ZKSCAN8: variants seen among roughly 807,000 people sequenced by gnomAD.
The protein encoded by ZKSCAN8 is zinc finger with KRAB and SCAN domains 8, also known as zinc finger protein with KRAB and SCAN domains 8.
A neutral mutation model predicts 57.2 loss-of-function variants in ZKSCAN8; 27 were observed. The observed-to-expected ratio is 0.47, with a 90% CI of 0.35 to 0.65. The LOEUF (loss-of-function observed/expected upper bound fraction) is 0.65. ZKSCAN8 is among the 30% of genes least tolerant of loss of function. The probability of loss-of-function intolerance (pLI) is 0.01; values close to 1 mark genes in which losing one functional copy is unlikely to be tolerated. For missense variants in ZKSCAN8, 597 were observed against 696.3 expected (o/e 0.86, Z 1.60); for synonymous variants, 214 against 248.7 (o/e 0.86, Z 1.31).
At chr6:28,143,466 C>T (rs1396401459) in intron 1 of ZKSCAN8, among the ~76,000 whole-genome samples, 22 of 152,130 alleles carry the variant, frequency 1.4e-4, no homozygotes, top group Admixed American at 1.1e-3. Context: ...TTGAATGCTG[C>T]GCACTTCACA....
In ZKSCAN8 at chr6:28,144,537, T is replaced by C. The variant is rs1243726176; in HGVS notation, c.-93+2508T>C. 2.0e-5 allele frequency: 3 copies of C among 152,238 alleles called. No individual in the cohort carries two copies. The highest frequency in any genetic ancestry group is 4.4e-5 in the Non-Finnish European group (3 of 68,042). The allele number at this position is 152,238 out of a possible 1,614,324, so 9.4% of individuals were successfully genotyped here. On this transcript the variant is annotated intron_variant, in intron 1 of 5. Coordinates refer to ENST00000330236, the MANE Select transcript of ZKSCAN8 (RefSeq NM_006298.4). This position sits in a 1 kb window ranked among gnomAD's most constrained non-coding sequence, Gnocchi z 4.5. Reference sequence around the variant, plus strand: ...TCATGACAACTGGTTTAGGGTATGCTACCTTTACTTACACTCTTCTTCATT... The same window carrying C: ...TCATGACAACTGGTTTAGGGTATGCCACCTTTACTTACACTCTTCTTCATT...
At position 28,141,958 on chromosome 6, in the gene ZKSCAN8, C is replaced by G. The variant is rs1765229482; in HGVS notation, c.-164C>G. ...GTACAGCTTTCATCGCCTTTACTCC[C>G]CGACCTTCCTTCGAGTCTGTTTATC... On this transcript the variant is annotated 5_prime_UTR_variant, in exon 1 of 6. Transcript: ENST00000330236. 1 of 152,456 alleles carries G rather than the reference C, an allele frequency of 6.6e-6. No individual in the cohort carries two copies. The highest frequency in any genetic ancestry group is 2.4e-5 in the African/African-American group (1 of 41,458). 9.4% of individuals were successfully genotyped at this position (152,456 alleles called of 1,614,324 possible). A position where few individuals can be genotyped will look rare whatever the true frequency, so the allele number is the denominator to read the frequency against.
At position 28,158,726 on chromosome 6, in the gene ZKSCAN8, C is replaced by T. The variant is rs549173875; in HGVS notation, c.*4709C>T. On this transcript the variant is annotated 3_prime_UTR_variant, in exon 6 of 6. Transcript: ENST00000330236. The stretch of plus-strand genomic sequence containing the variant: ...TTCTTTTTTTTCCAATTTCCTTGCT[C>T]CCAGGATCCCCATCTTGTATAAAGT... 5.9e-5 allele frequency: 9 copies of T among 152,162 alleles called. No homozygotes were observed. The highest frequency in any genetic ancestry group is 2.2e-4 in the African/African-American group (9 of 41,506). The allele number at this position is 152,162 out of a possible 1,614,324, so 9.4% of individuals were successfully genotyped here.
In ZKSCAN8 at chr6:28,156,336, C is replaced by T. The variant is rs13205911; in HGVS notation, c.*2319C>T. 0.058 allele frequency: 22,892 copies of T among 396,886 alleles called. 1,018 individuals carry two copies. The highest frequency in any genetic ancestry group is 0.084 in the Non-Finnish European group (18,952 of 225,078). 24.6% of individuals were successfully genotyped at this position (396,886 alleles called of 1,614,324 possible). On this transcript the variant is annotated 3_prime_UTR_variant, in exon 6 of 6. Transcript: ENST00000330236. ...ATTGAAATGTATACAGATGTACTAGCTAAAGTCTCTTTATGTGTCAGTATT... is the reference window on the plus strand; with the variant it reads ...ATTGAAATGTATACAGATGTACTAGTTAAAGTCTCTTTATGTGTCAGTATT...
At position 28,157,849 on chromosome 6, in the gene ZKSCAN8, T is replaced by C. The variant is rs1225603; in HGVS notation, c.*3832T>C. Reference sequence around the variant, plus strand: ...ATTGTGGAGGGAAATGAAATATCCATGTACCAGGCCAGGCAGATGGTCAGT... The same window carrying C: ...ATTGTGGAGGGAAATGAAATATCCACGTACCAGGCCAGGCAGATGGTCAGT... On this transcript the variant is annotated 3_prime_UTR_variant, in exon 6 of 6. Transcript: ENST00000330236. 6.6e-6 allele frequency: 1 copy of C among 152,186 alleles called. No individual in the cohort carries two copies. The highest frequency in any genetic ancestry group is 1.5e-5 in the Non-Finnish European group (1 of 68,032). 9.4% of individuals were successfully genotyped at this position (152,186 alleles called of 1,614,324 possible).
Position 28,153,267 on chromosome 6 carries a change from AAGCTT to A in ZKSCAN8, c.988_992del (p.Ser330CysfsTer22). On this transcript the variant is annotated frameshift_variant, in exon 6 of 6. Coordinates refer to ENST00000330236, the MANE Select transcript of ZKSCAN8 (RefSeq NM_006298.4). LOFTEE classifies it high-confidence loss of function. ...GACATAAATGTGATGAATGTGGGAA[AAGCTT>A]TGCTCAGAGCTCAGGCCTTGTTCGC... is the stretch of plus-strand genomic sequence containing the variant. The A allele has an allele frequency of 6.2e-7, 1 of 1,614,188 alleles. No individual in the cohort carries two copies. Among genetic ancestry groups the A allele is most frequent in the Non-Finnish European group, 8.5e-7 (1 of 1,180,016 alleles).
chr6:28,155,708 G>A lies in ZKSCAN8; in HGVS notation c.*1691G>A, dbSNP rs1053482492. ...ATAATAATCATTTTATGATTGATGG[G>A]CCAAAAAAAGCAATCAAAGTCTTAC... On this transcript the variant is annotated 3_prime_UTR_variant, in exon 6 of 6. Coordinates refer to ENST00000330236, the MANE Select transcript of ZKSCAN8 (RefSeq NM_006298.4). 6.4e-6 allele frequency: 1 copy of A among 155,274 alleles called. No homozygotes were observed. Among genetic ancestry groups the A allele is most frequent in the African/African-American group, 2.4e-5 (1 of 41,520 alleles). The allele number at this position is 155,274 out of a possible 1,614,324, so 9.6% of individuals were successfully genotyped here. A position where few individuals can be genotyped will look rare whatever the true frequency, so the allele number is the denominator to read the frequency against.
chr6:28,148,820 G>C lies in ZKSCAN8; in HGVS notation c.413G>C (p.Arg138Pro), dbSNP rs897169520. The C allele has an allele frequency of 6.2e-7, 1 of 1,611,428 alleles. No homozygotes were observed. Among genetic ancestry groups the C allele is most frequent in the African/African-American group, 1.3e-5 (1 of 74,982 alleles). Residue 138 changes from arginine to proline, a missense_variant, in exon 2 of 6, where the codon CGA (arginine) becomes CCA (proline). By Grantham distance (103) the Arg-to-Pro change is moderately radical. Transcript: ENST00000330236. ...GAAAGGCAGATTGATATACTAGGAC[G>C]ACCAGTAAGTAGAAGGAGGTATGCG... ...DLERQIDILG[R>P]PVSARVHGHR...
chr6:28,148,272 T>A (rs1410827041), intron 1 of ZKSCAN8, 44 bp from the exon 2 acceptor site: 3 of 913,134 alleles, frequency 3.3e-6, no homozygotes, highest in Admixed American at 2.9e-5. Context: ...TTAGTTACAA[T>A]GACTTTTGAC....
rs78717842 is a variant in ZKSCAN8, at chr6:28,150,508, T to C, written c.559+884T>C. ...GGGTTAATCATTGTATAGTTACTATTTTTCCCTTTGTAACTAATAAGTAAT... is the reference window on the plus strand; with the variant it reads ...GGGTTAATCATTGTATAGTTACTATCTTTCCCTTTGTAACTAATAAGTAAT... On this transcript the variant is annotated intron_variant, in intron 3 of 5. Coordinates refer to ENST00000330236, the MANE Select transcript of ZKSCAN8 (RefSeq NM_006298.4). Among the ~76,000 whole-genome samples the C allele has an allele frequency of 2.5e-4, 38 of 152,266 alleles. No homozygotes were observed. In the South Asian group the frequency reaches 6.4e-3, roughly 26 times the overall value.
chr6:28,147,183 A>G (rs1765427084), intron 1 of ZKSCAN8, among the ~76,000 whole-genome samples: 1 of 138,632 alleles, frequency 7.2e-6, no homozygotes, highest in Non-Finnish European at 1.5e-5. Flanking sequence ...ATTTTAAAAT[A>G]ACTAAATTTA....
rs561438340 is a variant in ZKSCAN8, at chr6:28,154,219, A to G, written c.*202A>G. The stretch of plus-strand genomic sequence containing the variant: ...GTTGATTAGCTTGACTGTCTTTGAA[A>G]GTATCTGATGGAGCTCCTGATGACC... On this transcript the variant is annotated 3_prime_UTR_variant, in exon 6 of 6. Coordinates refer to ENST00000330236, the MANE Select transcript of ZKSCAN8 (RefSeq NM_006298.4). 3.6e-5 allele frequency: 23 copies of G among 636,652 alleles called. No individual in the cohort carries two copies. Among genetic ancestry groups the G allele is most frequent in the African/African-American group, 5.5e-5 (3 of 54,166 alleles). 39.4% of individuals were successfully genotyped at this position (636,652 alleles called of 1,614,324 possible).
At position 28,157,582 on chromosome 6, in the gene ZKSCAN8, C is replaced by T. The variant is rs182610173; in HGVS notation, c.*3565C>T. The T allele has an allele frequency of 6.6e-6, 1 of 152,052 alleles. No individual in the cohort carries two copies. Among genetic ancestry groups the T allele is most frequent in the East Asian group, 1.9e-4 (1 of 5,182 alleles). The allele number at this position is 152,052 out of a possible 1,614,324, so 9.4% of individuals were successfully genotyped here. A position where few individuals can be genotyped will look rare whatever the true frequency, so the allele number is the denominator to read the frequency against. On this transcript the variant is annotated 3_prime_UTR_variant, in exon 6 of 6. Transcript: ENST00000330236. ...TAACCAGCTTTTTAAAAATATGTAG[C>T]GCTTGTCATGAGAGGTACTGGGGAA...
Position 28,153,344 on chromosome 6 carries a change from G to A in ZKSCAN8, c.1064G>A (p.Cys355Tyr). 6.2e-7 allele frequency: 1 copy of A among 1,614,150 alleles called. No individual in the cohort carries two copies. The highest frequency in any genetic ancestry group is 8.5e-7 in the Non-Finnish European group (1 of 1,180,014). ...GAGAAACCCTATCAGTGTAATGTGT[G>A]TGGTAAAGCCTTCAGTTACAGGTCA... Reference protein sequence around the residue: ...TGEKPYQCNVCGKAFSYRSAL... With the variant: ...TGEKPYQCNVYGKAFSYRSAL... The change falls in exon 6 of 6, where the codon TGT (cysteine) becomes TAT (tyrosine). Residue 355 changes from cysteine (C) to tyrosine (Y), a missense_variant. Physicochemically the swap from Cys to Tyr is radical, Grantham distance 194. Transcript: ENST00000330236.
intron 4 of ZKSCAN8, 48 bp downstream of exon 4, chr6:28,151,984 T>G: frequency 6.3e-7 from 1 of 1,593,520 alleles, no homozygotes; most frequent in South Asian, 1.1e-5. Flanking sequence ...TGCTTGTCAG[T>G]GTTTGTGGCA....
At chr6:28,142,361 C>G (rs1418808979) in intron 1 of ZKSCAN8, 1 of 152,078 alleles carries the variant, frequency 6.6e-6, no homozygotes, top group Non-Finnish European at 1.5e-5. Flanking sequence ...ATTGTTTTCA[C>G]TTAGCGCTCT....
At chr6:28,148,265 G>C in intron 1 of ZKSCAN8, 51 bp from the exon 2 acceptor site, 1 of 859,524 alleles carries the variant, frequency 1.2e-6, no homozygotes, top group Non-Finnish European at 1.7e-6. Context: ...ACCATAGTTA[G>C]TTACAATGAC....
At position 28,147,592 on chromosome 6, in the gene ZKSCAN8, G is replaced by A. The variant is rs191787706; in HGVS notation, c.-92-724G>A. On this transcript the variant is annotated intron_variant, in intron 1 of 5. Coordinates refer to ENST00000330236, the MANE Select transcript of ZKSCAN8 (RefSeq NM_006298.4). ...AAAACAACTCAGATATTGTTCAACTGGGAAATGGATAAACATTTAAACATT... is the reference window on the plus strand; with the variant it reads ...AAAACAACTCAGATATTGTTCAACTAGGAAATGGATAAACATTTAAACATT... Among the ~76,000 whole-genome samples the A allele has an allele frequency of 7.9e-4, 120 of 152,274 alleles. 1 individual carries two copies. The highest frequency in any genetic ancestry group is 5.1e-4 in the Non-Finnish European group (35 of 68,016).
chr6:28,145,983 T>C (rs544605873), intron 1 of ZKSCAN8, among the ~76,000 whole-genome samples: 35 of 152,334 alleles, frequency 2.3e-4, no homozygotes, highest in African/African-American at 7.9e-4. Flanking sequence ...GTAGGCAATA[T>C]TGTGGAACAT....
Sources: allele counts gnomAD v4.1 joint callset (sites outside exome capture counted in the v4.1 genomes callset), GRCh38; gene constraint gnomAD v4.1.1; non-coding constraint Gnocchi (gnomAD v3.1); transcripts MANE v1.5; gene names NCBI Gene and HGNC (gene_info 2026-07-23, HGNC 2026-07-21).